Variants in ERG observed in about 807,000 individuals in gnomAD.
The protein encoded by ERG is transcriptional regulator ERG.
In ERG, 9 loss-of-function variants were observed where a neutral mutation model predicts 55.3. The observed-to-expected ratio is 0.16, with a 90% CI of 0.10 to 0.28. The LOEUF is 0.28. ERG is among the 10% of genes least tolerant of loss of function. ERG has a pLI of 1.00. For missense variants in ERG, 434 were observed against 631.6 expected (o/e 0.69, Z 3.35); for synonymous variants, 223 against 237.3 (o/e 0.94, Z 0.55).
intron 1 of ERG, among the ~76,000 whole-genome samples, chr21:38,596,376 G>A (rs2060131723): frequency 6.6e-6 from 1 of 152,146 alleles, no homozygotes. Flanking sequence ...GTATTCCTGA[G>A]GACCATACTG....
At chr21:38,590,744 T>C (rs2060095695) in intron 1 of ERG, among the ~76,000 whole-genome samples, 1 of 152,224 alleles carries the variant, frequency 6.6e-6, no homozygotes, top group African/African-American at 2.4e-5. Context: ...TCCCTCCATG[T>C]GCCAAGCACT....
At chr21:38,638,200 A>C (rs2060402087) in intron 1 of ERG, among the ~76,000 whole-genome samples, 1 of 152,224 alleles carries the variant, frequency 6.6e-6, no homozygotes, top group Non-Finnish European at 1.5e-5. Flanking sequence ...AAGTCACTCC[A>C]TGATTCCATG....
intron 2 of ERG, among the ~76,000 whole-genome samples, chr21:38,527,511 A>G (rs1340816380): frequency 6.6e-6 from 1 of 152,224 alleles, no homozygotes; most frequent in African/African-American, 2.4e-5. Context: ...TCAATTTCTC[A>G]GCCAGAGTTT....
At chr21:38,525,824 G>A (rs1384460395) in intron 2 of ERG, among the ~76,000 whole-genome samples, 1 of 152,200 alleles carries the variant, frequency 6.6e-6, no homozygotes, top group Non-Finnish European at 1.5e-5. Flanking sequence ...CACCTTCGGT[G>A]GAGATGTGGG....
At chr21:38,440,949 C>A (rs1018494654) in intron 2 of ERG, among the ~76,000 whole-genome samples, 1 of 152,162 alleles carries the variant, frequency 6.6e-6, no homozygotes, top group Non-Finnish European at 1.5e-5. Flanking sequence ...CCCCCATTCC[C>A]CTTCAGGAAG....
rs922884721 is a variant in ERG, at chr21:38,562,808, G to T, written c.-41+12854C>A. Among the ~76,000 whole-genome samples, 36 of 152,256 alleles carry T rather than the reference G, an allele frequency of 2.4e-4. 1 individual carries two copies. Among genetic ancestry groups the T allele is most frequent in the Admixed American group, 2.1e-3 (32 of 15,298 alleles). On this transcript the variant is annotated intron_variant, in intron 2 of 8. Coordinates refer to the ERG transcript ENST00000398897. Reference sequence around the variant, plus strand: ...CCAGCTCCTGCAGGACCGAGAGTGTGGGAGGTGGGTTGAGGGGAGGTACTG... The same window carrying T: ...CCAGCTCCTGCAGGACCGAGAGTGTTGGAGGTGGGTTGAGGGGAGGTACTG...
At chr21:38,389,646 A>C (rs1987876204) in intron 9 of ERG, among the ~76,000 whole-genome samples, 1 of 151,004 alleles carries the variant, frequency 6.6e-6, no homozygotes, top group African/African-American at 2.4e-5. Flanking sequence ...ACTAGATGAA[A>C]GCCAGCATGA....
At chr21:38,660,055 C>T (rs1458321363) in intron 1 of ERG, among the ~76,000 whole-genome samples, 1 of 59,134 alleles carries the variant, frequency 1.7e-5, no homozygotes, top group South Asian at 4.3e-4. Context: ...CCGCTCCTGG[C>T]GCTGAGAGCT....
intron 1 of ERG, among the ~76,000 whole-genome samples, chr21:38,581,775 G>A (rs964274421): frequency 3.3e-5 from 5 of 152,192 alleles, no homozygotes; most frequent in African/African-American, 1.2e-4. Flanking sequence ...CAGGCGCGGT[G>A]GCTCACGCCT....
In ERG at chr21:38,381,459, C is replaced by A; in HGVS notation, c.*1944G>T. 1 of 1,062,994 alleles carries A rather than the reference C, an allele frequency of 9.4e-7. No homozygotes were observed. Among genetic ancestry groups the A allele is most frequent in the Admixed American group, 5.4e-5 (1 of 18,650 alleles). The allele number at this position is 1,062,994 out of a possible 1,614,324, so 65.8% of individuals were successfully genotyped here. On this transcript the variant is annotated 3_prime_UTR_variant, in exon 10 of 10. Transcript: ENST00000288319. The stretch of plus-strand genomic sequence containing the variant: ...ACATCAGGCTCAGGGCTAGTGAATC[C>A]CAAGCCACAGTGCCCAGGTAACTCT...
chr21:38,648,277 C>T (rs896213012), intron 1 of ERG, among the ~76,000 whole-genome samples: 2 of 152,178 alleles, frequency 1.3e-5, no homozygotes, highest in South Asian at 4.1e-4. Flanking sequence ...TTATTCCCAA[C>T]CTTTTGGAGA....
chr21:38,392,270 C>A, intron 7 of ERG, 106 bp downstream of exon 7: 1 of 946,554 alleles, frequency 1.1e-6, no homozygotes. Flanking sequence ...AAACCCATCA[C>A]ATGTTGCAAA....
chr21:38,596,155 C>T (rs1192889950), intron 1 of ERG, among the ~76,000 whole-genome samples: 1 of 152,042 alleles, frequency 6.6e-6, no homozygotes, highest in African/African-American at 2.4e-5. Flanking sequence ...GGCTACTGCC[C>T]TTCTTCTGTG....
At chr21:38,561,135 A>G (rs758646751) in intron 2 of ERG, among the ~76,000 whole-genome samples, 8 of 152,174 alleles carry the variant, frequency 5.3e-5, no homozygotes, top group Non-Finnish European at 8.8e-5. Flanking sequence ...GGTTTGAGGA[A>G]TCAAGTAACA....
intron 1 of ERG, among the ~76,000 whole-genome samples, chr21:38,601,996 A>G (rs2060167122): frequency 6.6e-6 from 1 of 151,998 alleles, no homozygotes; most frequent in South Asian, 2.1e-4. Context: ...ATCCTTAAAG[A>G]AGCATATTTC....
At chr21:38,423,763 G>A (rs549365926) in intron 2 of ERG, among the ~76,000 whole-genome samples, 4 of 152,142 alleles carry the variant, frequency 2.6e-5, no homozygotes, top group South Asian at 2.1e-4. Context: ...CGAGGTGGGC[G>A]GATCATGAGG....
At chr21:38,539,000 G>A (rs1206181949) in intron 2 of ERG, among the ~76,000 whole-genome samples, 1 of 152,222 alleles carries the variant, frequency 6.6e-6, no homozygotes, top group Middle Eastern at 3.2e-3. Context: ...TAAATGAGCA[G>A]ATGTCAGCTC....
At chr21:38,563,100 T>G (rs1568915082) in intron 2 of ERG, among the ~76,000 whole-genome samples, 1 of 152,040 alleles carries the variant, frequency 6.6e-6, no homozygotes, top group Non-Finnish European at 1.5e-5. Flanking sequence ...AAAAGATCAG[T>G]GGTTGTCAGG....
At chr21:38,523,252 C>T (rs1305696580) in intron 2 of ERG, among the ~76,000 whole-genome samples, 1 of 152,100 alleles carries the variant, frequency 6.6e-6, no homozygotes, top group East Asian at 1.9e-4. Flanking sequence ...TCTAAGTAGC[C>T]CCTGCCTGAG....
Sources: gnomAD v4.1 joint callset for allele counts (sites outside exome capture counted in the v4.1 genomes callset) on GRCh38, gnomAD v4.1.1 for gene constraint, MANE v1.5 for transcripts, NCBI Gene and HGNC (gene_info 2026-07-23, HGNC 2026-07-21) for gene names.